The following KCTD14 variants were observed in gnomAD, a reference collection of about 807,000 sequenced individuals.
The protein encoded by KCTD14 is BTB/POZ domain-containing protein KCTD14.
A neutral mutation model predicts 5.9 loss-of-function variants in KCTD14; 7 were observed. The observed-to-expected ratio is 1.19, with a 90% CI of 0.68 to 2.23. The LOEUF is 2.23. Ranked by LOEUF, KCTD14 falls within the 30% of genes most tolerant of loss-of-function variation. KCTD14 has a pLI of 0.00. For synonymous variants in KCTD14, 140 were observed against 133.1 expected, an observed-to-expected ratio of 1.05 and a Z score of -0.36; for missense variants, 342 against 332.2, an observed-to-expected ratio of 1.03 and a Z score of -0.23.
At chr11:78,038,613 A>G (rs1857890294) in intron 2 of KCTD14, 1 of 1,531,482 alleles carries the variant, frequency 6.5e-7, no homozygotes, top group East Asian at 2.4e-5. Flanking sequence ...CTTCTCCACC[A>G]TCTCACACAG....
At chr11:78,029,108 C>A (rs1857547238) in intron 2 of KCTD14, among the ~76,000 whole-genome samples, 2 of 151,376 alleles carry the variant, frequency 1.3e-5, no homozygotes, top group African/African-American at 4.9e-5. Flanking sequence ...TCGCTTGAAC[C>A]CGGGAGGCGG....
At chr11:78,040,997 A>AT in intron 1 of KCTD14, among the ~76,000 whole-genome samples, 1 of 152,206 alleles carries the variant, frequency 6.6e-6, no homozygotes, top group Non-Finnish European at 1.5e-5. Flanking sequence ...ATGGAAGGTG[A>AT]TTTTGCCTCT....
At chr11:78,034,281 C>T (rs1416323563) in intron 2 of KCTD14, among the ~76,000 whole-genome samples, 1 of 152,138 alleles carries the variant, frequency 6.6e-6, no homozygotes, top group Non-Finnish European at 1.5e-5. Flanking sequence ...TAGCACCATG[C>T]CTGGCTAGTT....
At chr11:78,038,903 C>A in intron 1 of KCTD14, 1 of 933,848 alleles carries the variant, frequency 1.1e-6, no homozygotes, top group Non-Finnish European at 1.6e-6. Context: ...CGGTCAGGCC[C>A]GGATGTACCA....
chr11:78,040,461 C>G (rs1857958943), intron 1 of KCTD14, among the ~76,000 whole-genome samples: 1 of 151,394 alleles, frequency 6.6e-6, no homozygotes, highest in Admixed American at 6.6e-5. Context: ...CTTTGTGTGT[C>G]TCTCTGCTGT....
intron 2 of KCTD14, among the ~76,000 whole-genome samples, chr11:78,031,493 C>T (rs1049487337): frequency 2.2e-4 from 34 of 152,160 alleles, no homozygotes; most frequent in Admixed American, 7.2e-4. Context: ...ATTCTCCTGC[C>T]TCAGCCTCTC....
chr11:78,037,683 G>A (rs1411793706), intron 2 of KCTD14, among the ~76,000 whole-genome samples: 1 of 152,110 alleles, frequency 6.6e-6, no homozygotes, highest in Non-Finnish European at 1.5e-5. Flanking sequence ...GCCGGGTGTG[G>A]TGGTGGGTGC....
At chr11:78,026,229 G>C (rs1857459835), upstream of KCTD14, among the ~76,000 whole-genome samples, 1 of 152,086 alleles carries the variant, frequency 6.6e-6, no homozygotes, top group African/African-American at 2.4e-5. Context: ...TTGAAGTCAG[G>C]AATTTGAGAC....
chr11:78,041,924 A>G (rs755800151), intron 1 of KCTD14, among the ~76,000 whole-genome samples: 2 of 152,208 alleles, frequency 1.3e-5, no homozygotes, highest in African/African-American at 2.4e-5. Flanking sequence ...TACTAGAGCT[A>G]TAACACTCAC....
Position 78,023,239 on chromosome 11 carries a change from C to A in KCTD14, c.11G>T (p.Gly4Val). 1 of 1,609,388 alleles carries A rather than the reference C, an allele frequency of 6.2e-7. No individual in the cohort carries two copies. The highest frequency in any genetic ancestry group is 8.5e-7 in the Non-Finnish European group (1 of 1,179,684). MWQ[G>V]CAVERPVGRM... is the part of the protein sequence containing the mutation. Reference sequence around the variant, plus strand: ...GCCCACTGGCCGCTCCACTGCGCAGCCCTGCCACATGCAGATCACTTGGGC... The same window carrying A: ...GCCCACTGGCCGCTCCACTGCGCAGACCTGCCACATGCAGATCACTTGGGC... The change falls in exon 1 of 2, where the codon GGC becomes GTC. Residue 4 changes from glycine (G) to valine (V), a missense_variant. Coordinates refer to ENST00000353172, the MANE Select transcript of KCTD14 (RefSeq NM_023930.4).
intron 1 of KCTD14, among the ~76,000 whole-genome samples, chr11:78,039,572 G>GATTTATTTAAA (rs1857932539): frequency 6.6e-6 from 1 of 151,532 alleles, no homozygotes; most frequent in South Asian, 2.1e-4. Flanking sequence ...ACATGTATGA[G>GATTTATTTAAA]CCTGGGGCAA....
intron 2 of KCTD14, among the ~76,000 whole-genome samples, chr11:78,033,901 G>GTGTGTGTATA: frequency 1.9e-4 from 22 of 115,590 alleles, no homozygotes; most frequent in South Asian, 3.0e-4. Context: ...GTGTGTGTGT[G>GTGTGTGTATA]TATATATATA....
At chr11:78,043,354 G>A (rs1858046012) in intron 1 of KCTD14, among the ~76,000 whole-genome samples, 1 of 152,192 alleles carries the variant, frequency 6.6e-6, no homozygotes, top group Non-Finnish European at 1.5e-5. Flanking sequence ...TGGAATAACT[G>A]TCATCGCTAA....
At chr11:78,035,202 A>T (rs1046360496) in intron 2 of KCTD14, among the ~76,000 whole-genome samples, 1 of 152,104 alleles carries the variant, frequency 6.6e-6, no homozygotes, top group African/African-American at 2.4e-5. Context: ...GTCTCTCCAG[A>T]TCCACTCCAG....
chr11:78,029,360 G>A (rs1193489212), intron 2 of KCTD14, among the ~76,000 whole-genome samples: 1 of 152,094 alleles, frequency 6.6e-6, no homozygotes, highest in African/African-American at 2.4e-5. Flanking sequence ...TTCACCAAAG[G>A]AAGAAACCTC....
intron 1 of KCTD14, among the ~76,000 whole-genome samples, chr11:78,040,539 G>A (rs1214976459): frequency 6.6e-6 from 1 of 150,542 alleles, no homozygotes; most frequent in Admixed American, 6.6e-5. Context: ...CCTCATTTCT[G>A]TGTCTTTTCT....
At chr11:78,033,743 G>C (rs1320172399) in intron 2 of KCTD14, among the ~76,000 whole-genome samples, 1 of 150,946 alleles carries the variant, frequency 6.6e-6, no homozygotes, top group Non-Finnish European at 1.5e-5. Flanking sequence ...AGCTACTTGG[G>C]AGGCTGAGGC....
intron 2 of KCTD14, among the ~76,000 whole-genome samples, chr11:78,032,122 G>A (rs1372286324): frequency 6.6e-6 from 1 of 152,196 alleles, no homozygotes; most frequent in Non-Finnish European, 1.5e-5. Context: ...AATCTGGGAG[G>A]CCCTGTACTG....
In KCTD14 at chr11:78,041,804, G is replaced by A. The variant is rs192279702; in HGVS notation, c.-95-3046C>T. Among the ~76,000 whole-genome samples the A allele has an allele frequency of 1.1e-4, 16 of 152,296 alleles. No individual in the cohort carries two copies. The East Asian group carries it at 1.3e-3, about 13-fold the overall frequency. ...GAGACTCCCGTTGCCACTCCCAATC[G>A]TGCTAAAGGCTTGCCATTGTTCCTG... is the stretch of plus-strand genomic sequence containing the variant. On this transcript the variant is annotated intron_variant, in intron 1 of 2. Coordinates refer to the KCTD14 transcript ENST00000533144.
Sources: gnomAD v4.1 joint callset for allele counts (sites outside exome capture counted in the v4.1 genomes callset) on GRCh38, gnomAD v4.1.1 for gene constraint, MANE v1.5 for transcripts, NCBI Gene and HGNC (gene_info 2026-07-23, HGNC 2026-07-21) for gene names.